COL22A1: variants seen among roughly 807,000 people sequenced by gnomAD.
COL22A1 encodes collagen alpha-1(XXII) chain.
In COL22A1, 221 loss-of-function variants were observed where a neutral mutation model predicts 248.9. That is an observed-to-expected ratio of 0.89 (90% CI 0.80 to 0.99). The LOEUF (loss-of-function observed/expected upper bound fraction) is 0.99. COL22A1 is among the 50% of genes least tolerant of loss of function. COL22A1 has a pLI of 0.00. For synonymous variants in COL22A1, 891 were observed against 793.4 expected (o/e 1.12, Z -2.07); for missense variants, 2,240 against 2,179.0 (o/e 1.03, Z -0.56).
At position 138,749,673 on chromosome 8, in the gene COL22A1, G is replaced by A. The variant is rs118153158; in HGVS notation, c.2085+1785C>T. On this transcript the variant is annotated intron_variant, in intron 22 of 64. Coordinates refer to ENST00000303045, the MANE Select transcript of COL22A1 (RefSeq NM_152888.3). ...TCCCCACTGTAGCAAGAAGTAAACC[G>A]GCCTGGAGAGACCAGGTAACTTGCA... Among the ~76,000 whole-genome samples, 1,441 of 152,240 alleles carry A rather than the reference G, an allele frequency of 9.5e-3. 51 individuals are homozygous for A. Among genetic ancestry groups the A allele is most frequent in the Admixed American group, 0.067 (1,030 of 15,298 alleles).
chr8:138,709,038 T>C (rs1828723768), intron 30 of COL22A1, among the ~76,000 whole-genome samples: 1 of 152,094 alleles, frequency 6.6e-6, no homozygotes, highest in African/African-American at 2.4e-5. Context: ...CATGAAAAAA[T>C]GCTCATCATT....
intron 16 of COL22A1, among the ~76,000 whole-genome samples, chr8:138,769,810 T>C (rs989968974): frequency 6.6e-6 from 1 of 152,214 alleles, no homozygotes; most frequent in African/African-American, 2.4e-5. Context: ...GTGAGACTTA[T>C]TGATGACTTT....
At chr8:138,836,853 G>C (rs1358756960) in intron 4 of COL22A1, among the ~76,000 whole-genome samples, 1 of 152,172 alleles carries the variant, frequency 6.6e-6, no homozygotes, top group Non-Finnish European at 1.5e-5. Context: ...TCAGTATGCT[G>C]GGAGATGGGA....
At chr8:138,676,362 C>T (rs1260645083) in intron 41 of COL22A1, among the ~76,000 whole-genome samples, 196 bp downstream of exon 41, 1 of 135,782 alleles carries the variant, frequency 7.4e-6, no homozygotes, top group Non-Finnish European at 1.6e-5. Flanking sequence ...CACCACTGCA[C>T]TCCAGCCTGG....
At chr8:138,634,988 G>A (rs2132023537) in intron 49 of COL22A1, 22 bp downstream of exon 49, 1 of 1,526,252 alleles carries the variant, frequency 6.6e-7, no homozygotes, top group Non-Finnish European at 9.1e-7. Flanking sequence ...GAAAGAGGAG[G>A]GGATTAAAGA....
At chr8:138,908,930 G>A (rs1008058688) in intron 1 of COL22A1, among the ~76,000 whole-genome samples, 14 of 152,198 alleles carry the variant, frequency 9.2e-5, no homozygotes, top group African/African-American at 3.1e-4. Context: ...TTAGGAGGTA[G>A]CAATCCCTCT....
chr8:138,710,106 T>C lies in COL22A1; in HGVS notation c.2517+5576A>G, dbSNP rs183568011. Among the ~76,000 whole-genome samples, 286 of 152,324 alleles carry C rather than the reference T, an allele frequency of 1.9e-3. 6 individuals are homozygous for C. Among genetic ancestry groups the C allele is most frequent in the Non-Finnish European group, 6.8e-4 (46 of 68,022 alleles). ...ATTTTATAAATTATTTTACCTACTT[T>C]GGCATGTTTTCTCTTTGCAGAACAA... On this transcript the variant is annotated intron_variant, in intron 30 of 64. Transcript: ENST00000303045.
At chr8:138,866,255 C>T (rs773010907) in intron 3 of COL22A1, among the ~76,000 whole-genome samples, 10 of 152,280 alleles carry the variant, frequency 6.6e-5, no homozygotes, top group African/African-American at 1.4e-4. Flanking sequence ...CGCATAACCC[C>T]GTATCCCTAC....
chr8:138,736,410 T>G (rs1464901128), intron 23 of COL22A1, among the ~76,000 whole-genome samples: 1 of 151,996 alleles, frequency 6.6e-6, no homozygotes, highest in East Asian at 1.9e-4. Context: ...ATGGTGATGC[T>G]GCATTTGAAA....
chr8:138,703,465 G>A, intron 30 of COL22A1, 118 bp from the exon 31 acceptor site: 6 of 815,068 alleles, frequency 7.4e-6, no homozygotes, highest in Non-Finnish European at 1.2e-5. Flanking sequence ...CTTCTGCAGG[G>A]TGCAGGTAGG....
chr8:138,889,564 G>C (rs7819073), intron 1 of COL22A1, among the ~76,000 whole-genome samples: 125,544 of 152,086 alleles, frequency 0.83, 53,109 homozygotes, highest in East Asian at 0.99. Flanking sequence ...GGACTGTTGT[G>C]GGGTGGGGGG....
intron 11 of COL22A1, 74 bp downstream of exon 11, chr8:138,802,798 C>G: frequency 8.6e-7 from 1 of 1,164,980 alleles, no homozygotes; most frequent in Non-Finnish European, 1.3e-6. Context: ...TGCTGATTTG[C>G]ATGATCGGAG....
intron 6 of COL22A1, among the ~76,000 whole-genome samples, chr8:138,823,553 G>A (rs2131769614): frequency 6.6e-6 from 1 of 152,148 alleles, no homozygotes; most frequent in Non-Finnish European, 1.5e-5. Context: ...CTACAGGTGC[G>A]CACCACCATG....
chr8:138,647,187 C>G (rs1358000317), intron 46 of COL22A1, among the ~76,000 whole-genome samples: 1 of 152,132 alleles, frequency 6.6e-6, no homozygotes, highest in Non-Finnish European at 1.5e-5. Flanking sequence ...GCAGAGAGGC[C>G]CACCCATGTG....
chr8:138,811,609 C>G (rs1203293222), intron 9 of COL22A1, among the ~76,000 whole-genome samples, 190 bp downstream of exon 9: 1 of 152,098 alleles, frequency 6.6e-6, no homozygotes. Context: ...TCATCAGGAC[C>G]TGGTATGCAG....
At chr8:138,827,693 T>C (rs550566620) in intron 5 of COL22A1, among the ~76,000 whole-genome samples, 1 of 151,642 alleles carries the variant, frequency 6.6e-6, no homozygotes, top group East Asian at 2.0e-4. Flanking sequence ...AAATTGTTAA[T>C]TCCCTTCTAT....
intron 2 of COL22A1, among the ~76,000 whole-genome samples, chr8:138,881,504 T>G (rs1018664213): frequency 6.6e-6 from 1 of 151,954 alleles, no homozygotes; most frequent in African/African-American, 2.4e-5. Context: ...GCTAACACGG[T>G]GAAACCCCGT....
At chr8:138,777,462 T>C (rs1170372136) in intron 15 of COL22A1, among the ~76,000 whole-genome samples, 4 of 152,196 alleles carry the variant, frequency 2.6e-5, no homozygotes, top group Admixed American at 6.5e-5. Context: ...CTTTCATTTA[T>C]CTATGTTTTA....
intron 59 of COL22A1, 96 bp from the exon 60 acceptor site, chr8:138,602,255 C>CAAGGGACCCTCAAAAGAT (rs1818084143): frequency 1.4e-6 from 2 of 1,380,946 alleles, no homozygotes; most frequent in South Asian, 1.2e-5. Context: ...ATGCTGAGGA[C>CAAGGGACCCTCAAAAGAT]AAGGGACCCT....
Sources: allele counts gnomAD v4.1 joint callset (sites outside exome capture counted in the v4.1 genomes callset), GRCh38; gene constraint gnomAD v4.1.1; transcripts MANE v1.5; gene names NCBI Gene and HGNC (gene_info 2026-07-23, HGNC 2026-07-21).